Variants in FAM24A observed in about 807,000 individuals in gnomAD.
The protein encoded by FAM24A is protein FAM24A.
In FAM24A, 2 loss-of-function variants were observed where a neutral mutation model predicts 2.8. The ratio of observed to expected loss-of-function variants is 0.73; its 90% confidence interval spans 0.30 to 2.28. The LOEUF is 2.28. Among genes scored for constraint, FAM24A ranks in the 30% most tolerant of loss-of-function variants. FAM24A has a pLI of 0.12. For synonymous variants in FAM24A, 46 were observed against 47.5 expected, an observed-to-expected ratio of 0.97 and a Z score of 0.13; for missense variants, 109 against 132.0, an observed-to-expected ratio of 0.83 and a Z score of 0.85.
At chr10:122,911,520 T>C in intron 1 of FAM24A, 113 bp from the exon 2 acceptor site, 1 of 1,466,972 alleles carries the variant, frequency 6.8e-7, no homozygotes, top group Middle Eastern at 2.6e-4. Context: ...CTGGAAAGAT[T>C]TGCTTGCAGT....
rs2293435 is a variant in FAM24A at position 122,910,753 on chromosome 10, G to A, written c.-69G>A. On this transcript the variant is annotated 5_prime_UTR_variant, in exon 1 of 3. It removes the in-frame stop codon of an upstream open reading frame in the 5' UTR. Transcript: ENST00000368894. ...GAAGTTCCAAATATCCGATGCCCTA[G>A]AGGTTTTTTTCCCTTAATTTTATTG... 0.49 allele frequency: 74,303 copies of A among 151,982 alleles called. 18,679 individuals are homozygous for A. Among genetic ancestry groups the A allele is most frequent in the Non-Finnish European group, 0.53 (36,203 of 67,960 alleles). 9.4% of individuals were successfully genotyped at this position (151,982 alleles called of 1,614,324 possible).
chr10:122,911,036 C>G (rs1451528495), intron 1 of FAM24A, among the ~76,000 whole-genome samples: 1 of 152,176 alleles, frequency 6.6e-6, no homozygotes, highest in Admixed American at 6.5e-5. Context: ...CTCCTGGTCT[C>G]TGCAGACCAC....
chr10:122,911,829 G>A (rs1848323118), intron 2 of FAM24A, 70 bp downstream of exon 2: 1 of 1,590,806 alleles, frequency 6.3e-7, no homozygotes, highest in African/African-American at 1.3e-5. Context: ...TTTGAGCAAG[G>A]TCATTCCTTT....
At chr10:122,911,600 G>A (rs566486459) in intron 1 of FAM24A, 33 bp from the exon 2 acceptor site, 4 of 1,609,852 alleles carry the variant, frequency 2.5e-6, no homozygotes, top group South Asian at 2.2e-5. Flanking sequence ...GGGGAGGAAG[G>A]CCACGTTCTG....
rs1249595634 is a variant in FAM24A, at chr10:122,911,655, C to G, written c.21C>G (p.Leu7=). 9 of 1,613,870 alleles carry G rather than the reference C, an allele frequency of 5.6e-6. No homozygotes were observed. Among genetic ancestry groups the G allele is most frequent in the Non-Finnish European group, 4.2e-6 (5 of 1,180,020 alleles). The change falls in exon 2 of 3, where the codon CTC becomes CTG. Residue 7 remains leucine, a synonymous_variant. Coordinates refer to ENST00000368894, the MANE Select transcript of FAM24A (RefSeq NM_001029888.3). The stretch of plus-strand genomic sequence containing the variant: ...TAGGCATGGCAAAGATGTTTGATCT[C>G]AGGACGAAGATCATGATCGGCATCG... The part of the protein sequence containing the change: MAKMFD[L]RTKIMIGIGS...
At chr10:122,912,124 G>A (rs753958725) in intron 2 of FAM24A, among the ~76,000 whole-genome samples, 28 of 152,294 alleles carry the variant, frequency 1.8e-4, no homozygotes, top group East Asian at 1.2e-3. Context: ...CCTGGGCACC[G>A]TAGGCTGAAG....
intron 2 of FAM24A, among the ~76,000 whole-genome samples, chr10:122,912,182 G>T (rs909848785): frequency 2.0e-5 from 3 of 152,192 alleles, no homozygotes; most frequent in Non-Finnish European, 4.4e-5. Context: ...GTGCTCATGC[G>T]GAGGATGGGC....
chr10:122,911,812 C>T (rs1262506370), intron 2 of FAM24A, 53 bp downstream of exon 2: 20 of 1,606,716 alleles, frequency 1.2e-5, no homozygotes, highest in Non-Finnish European at 1.4e-5. Flanking sequence ...GATACCTGGA[C>T]TCCCTATTTG....
intron 2 of FAM24A, 90 bp downstream of exon 2, chr10:122,911,849 C>A: frequency 6.6e-7 from 1 of 1,521,002 alleles, no homozygotes; most frequent in Non-Finnish European, 9.0e-7. Flanking sequence ...TCTGCTGTGG[C>A]CATACCCCTG....
Position 122,910,767 on chromosome 10 carries a change from T to C in FAM24A, c.-55T>C, listed in dbSNP as rs1848310993. 6.6e-6 allele frequency: 1 copy of C among 152,236 alleles called. No individual in the cohort carries two copies. Among genetic ancestry groups the C allele is most frequent in the Non-Finnish European group, 1.5e-5 (1 of 68,040 alleles). 9.4% of individuals were successfully genotyped at this position (152,236 alleles called of 1,614,324 possible). A position where few individuals can be genotyped will look rare whatever the true frequency, so the allele number is the denominator to read the frequency against. On this transcript the variant is annotated 5_prime_UTR_variant, in exon 1 of 3. Transcript: ENST00000368894. ...CCGATGCCCTAGAGGTTTTTTTCCC[T>C]TAATTTTATTGTTACAATTGGCCTT...
In FAM24A at chr10:122,912,753, T is replaced by C. The variant is rs746320727; in HGVS notation, c.126-9T>C. The C allele has an allele frequency of 3.7e-6, 6 of 1,603,466 alleles. No homozygotes were observed. Among genetic ancestry groups the C allele is most frequent in the Non-Finnish European group, 4.2e-6 (5 of 1,176,570 alleles). On this transcript the variant is annotated splice_polypyrimidine_tract_variant and intron_variant, in intron 2 of 2. Coordinates refer to ENST00000368894, the MANE Select transcript of FAM24A (RefSeq NM_001029888.3). Reference sequence around the variant, plus strand: ...TTCTAAGCCTGAGCTTTGTGTGTCTTTTCTTAAGAGCTGCAAAGGACCCTG... The same window carrying C: ...TTCTAAGCCTGAGCTTTGTGTGTCTCTTCTTAAGAGCTGCAAAGGACCCTG...
chr10:122,912,756 CT>C lies in FAM24A; in HGVS notation c.126-4del. On this transcript the variant is annotated splice_polypyrimidine_tract_variant and splice_region_variant and intron_variant, in intron 2 of 2. Transcript: ENST00000368894. Reference sequence around the variant, plus strand: ...TAAGCCTGAGCTTTGTGTGTCTTTTCTTAAGAGCTGCAAAGGACCCTGATGC... The same window carrying C: ...TAAGCCTGAGCTTTGTGTGTCTTTTCTAAGAGCTGCAAAGGACCCTGATGC... The C allele has an allele frequency of 6.2e-7, 1 of 1,605,058 alleles. No individual in the cohort carries two copies. Among genetic ancestry groups the C allele is most frequent in the Non-Finnish European group, 8.5e-7 (1 of 1,177,156 alleles).
chr10:122,911,568 G>A, intron 1 of FAM24A, 65 bp from the exon 2 acceptor site: 1 of 1,594,794 alleles, frequency 6.3e-7, no homozygotes, highest in Middle Eastern at 2.2e-4. Flanking sequence ...TCTACTAACG[G>A]AAGGTTGTTT....
chr10:122,911,591 G>A (rs754085677), intron 1 of FAM24A, 42 bp from the exon 2 acceptor site: 69 of 1,607,648 alleles, frequency 4.3e-5, no homozygotes, highest in Non-Finnish European at 5.6e-5. Context: ...TGGCTGTGTG[G>A]GGAGGAAGGC....
In FAM24A at chr10:122,912,862, T is replaced by G; in HGVS notation, c.226T>G (p.Cys76Gly). Reference protein sequence around the residue: ...SQAKATTMESCPSLQCCEGCR... With the variant: ...SQAKATTMESGPSLQCCEGCR... The stretch of plus-strand genomic sequence containing the variant: ...GGCCAAAGCCACCACCATGGAGTCT[T>G]GTCCATCTCTCCAGTGCTGTGAAGG... Residue 76 changes from cysteine to glycine, a missense_variant, in exon 3 of 3, where the codon TGT becomes GGT. Physicochemically the swap from Cys to Gly is radical, Grantham distance 159. Transcript: ENST00000368894. 6.2e-7 allele frequency: 1 copy of G among 1,614,158 alleles called. No homozygotes were observed. Among genetic ancestry groups the G allele is most frequent in the Non-Finnish European group, 8.5e-7 (1 of 1,180,026 alleles).
chr10:122,913,108 A>G lies in FAM24A; in HGVS notation c.*154A>G. ...TCTGAATAAATGTGCAATATTGGAA[A>G]TAATCCTCTGCCTCCAGTATTTTTG... is the stretch of plus-strand genomic sequence containing the variant. On this transcript the variant is annotated 3_prime_UTR_variant, in exon 3 of 3. Transcript: ENST00000368894. The G allele has an allele frequency of 1.6e-6, 1 of 615,196 alleles. No individual in the cohort carries two copies. Among genetic ancestry groups the G allele is most frequent in the Non-Finnish European group, 2.5e-6 (1 of 397,386 alleles). 38.1% of individuals were successfully genotyped at this position (615,196 alleles called of 1,614,324 possible). A position where few individuals can be genotyped will look rare whatever the true frequency, so the allele number is the denominator to read the frequency against.
In FAM24A at chr10:122,912,767, C is replaced by A. The variant is rs1399489879; in HGVS notation, c.131C>A (p.Ala44Glu). Residue 44 changes from alanine (A) to glutamate (E), a missense_variant, in exon 3 of 3, where the codon GCA becomes GAA. Ala to Glu is a moderately radical substitution (Grantham distance 107). Coordinates refer to ENST00000368894, the MANE Select transcript of FAM24A (RefSeq NM_001029888.3). The part of the protein sequence containing the change: ...YFKVAKALKA[A>E]KDPDAVAVKN... The stretch of plus-strand genomic sequence containing the variant: ...TTTGTGTGTCTTTTCTTAAGAGCTG[C>A]AAAGGACCCTGATGCTGTGGCTGTA... 6 of 1,609,966 alleles carry A rather than the reference C, an allele frequency of 3.7e-6. No individual in the cohort carries two copies. Among genetic ancestry groups the A allele is most frequent in the Non-Finnish European group, 5.1e-6 (6 of 1,178,892 alleles).
chr10:122,911,774 G>C lies in FAM24A; in HGVS notation c.125+15G>C. 6.2e-7 allele frequency: 1 copy of C among 1,613,692 alleles called. No individual in the cohort carries two copies. Among genetic ancestry groups the C allele is most frequent in the African/African-American group, 1.3e-5 (1 of 75,002 alleles). On this transcript the variant is annotated intron_variant, in intron 2 of 2. Coordinates refer to ENST00000368894, the MANE Select transcript of FAM24A (RefSeq NM_001029888.3). ...AAGGCACTAAAGTGAGTCATGTGGG[G>C]GAAAATGAATTACACCTCCTCAAAT...
chr10:122,911,756 T>G lies in FAM24A; in HGVS notation c.122T>G (p.Leu41Arg). 1 of 1,614,126 alleles carries G rather than the reference T, an allele frequency of 6.2e-7. No homozygotes were observed. The highest frequency in any genetic ancestry group is 8.5e-7 in the Non-Finnish European group (1 of 1,179,992). Reference sequence around the variant, plus strand: ...CTTTACTTCAAAGTAGCTAAGGCACTAAAGTGAGTCATGTGGGGGAAAATG... The same window carrying G: ...CTTTACTTCAAAGTAGCTAAGGCACGAAAGTGAGTCATGTGGGGGAAAATG... ...FCLYFKVAKA[L>R]KAAKDPDAVA... Residue 41 changes from leucine (L) to arginine (R), a missense_variant, in exon 2 of 3, where the codon CTA (leucine) becomes CGA (arginine). Physicochemically the swap from Leu to Arg is moderately radical, Grantham distance 102. Transcript: ENST00000368894.
Sources: gnomAD v4.1 joint callset for allele counts (sites outside exome capture counted in the v4.1 genomes callset) on GRCh38, gnomAD v4.1.1 for gene constraint, MANE v1.5 for transcripts, NCBI Gene and HGNC (gene_info 2026-07-23, HGNC 2026-07-21) for gene names.